Variants in ASAP1 observed in about 807,000 individuals in gnomAD.
ASAP1 encodes arf-GAP with SH3 domain, ANK repeat and PH domain-containing protein 1.
ASAP1 carries 43 observed loss-of-function variants against 145.2 expected under a neutral mutation model. The observed-to-expected ratio is 0.30, with a 90% CI of 0.23 to 0.38. The LOEUF (loss-of-function observed/expected upper bound fraction) is 0.38, where lower values mean the gene tolerates loss of function less well. ASAP1 is among the 10% of genes least tolerant of loss of function. The probability of loss-of-function intolerance (pLI) is 1.00; values close to 1 mark genes in which losing one functional copy is unlikely to be tolerated. For synonymous variants in ASAP1, 546 were observed against 515.5 expected (o/e 1.06, Z -0.80); for missense variants, 1,018 against 1,355.3 (o/e 0.75, Z 3.91).
chr8:130,131,603 G>GAT (rs2097583112), intron 15 of ASAP1, among the ~76,000 whole-genome samples: 1 of 63,108 alleles, frequency 1.6e-5, no homozygotes, highest in Non-Finnish European at 2.8e-5. Context: ...CATGGCTACT[G>GAT]AAAAAAAAAA....
At chr8:130,259,090 C>T (rs759290878) in intron 3 of ASAP1, among the ~76,000 whole-genome samples, 8 of 151,976 alleles carry the variant, frequency 5.3e-5, no homozygotes, top group Non-Finnish European at 8.8e-5. Flanking sequence ...CCACAGAGTA[C>T]GGTTCACAAA....
At chr8:130,112,363 C>G (rs764267951) in intron 23 of ASAP1, 41 bp from the exon 24 acceptor site, 1 of 1,579,982 alleles carries the variant, frequency 6.3e-7, no homozygotes, top group Non-Finnish European at 8.7e-7. Context: ...AATCAAGGAC[C>G]ACCCTTCATG....
chr8:130,081,163 G>A (rs922502527), intron 25 of ASAP1, among the ~76,000 whole-genome samples: 2 of 152,218 alleles, frequency 1.3e-5, no homozygotes, highest in Non-Finnish European at 2.9e-5. Context: ...AGAGGGAGTA[G>A]GGAATGCTGT....
At chr8:130,424,765 G>C (rs1235546405) in intron 1 of ASAP1, among the ~76,000 whole-genome samples, 1 of 152,082 alleles carries the variant, frequency 6.6e-6, no homozygotes, top group African/African-American at 2.4e-5. Flanking sequence ...AGGTCAAGGT[G>C]GGCGGATCAC....
At chr8:130,296,602 T>C (rs1822293359) in intron 3 of ASAP1, among the ~76,000 whole-genome samples, 1 of 151,798 alleles carries the variant, frequency 6.6e-6, no homozygotes, top group Non-Finnish European at 1.5e-5. Flanking sequence ...TACTTCCTTC[T>C]GGCCCTCACA....
chr8:130,336,882 A>G (rs917251412), intron 3 of ASAP1, among the ~76,000 whole-genome samples: 80 of 152,212 alleles, frequency 5.3e-4, no homozygotes, highest in African/African-American at 1.9e-3. Context: ...TACTTCTCCC[A>G]AACAGCTCCA....
At chr8:130,441,052 T>C (rs1166887323) in intron 1 of ASAP1, among the ~76,000 whole-genome samples, 1 of 152,200 alleles carries the variant, frequency 6.6e-6, no homozygotes, top group Non-Finnish European at 1.5e-5. Flanking sequence ...GGGCTTAGCA[T>C]GGCGCAGGTG....
chr8:130,271,940 G>C (rs1397678661), intron 3 of ASAP1, among the ~76,000 whole-genome samples: 6 of 152,004 alleles, frequency 3.9e-5, no homozygotes, highest in Non-Finnish European at 7.4e-5. Context: ...TAATGGAAGG[G>C]GAGGAAGCAA....
chr8:130,394,459 A>G (rs947043402), intron 2 of ASAP1, among the ~76,000 whole-genome samples: 6 of 152,200 alleles, frequency 3.9e-5, no homozygotes, highest in Non-Finnish European at 5.9e-5. Context: ...CATGTTATCA[A>G]TGACAATGGT....
intron 3 of ASAP1, among the ~76,000 whole-genome samples, chr8:130,285,604 A>G (rs760793778): frequency 6.6e-6 from 1 of 152,220 alleles, no homozygotes; most frequent in Non-Finnish European, 1.5e-5. Flanking sequence ...TAACTCTGAC[A>G]TCTTTGGAAA....
intron 3 of ASAP1, among the ~76,000 whole-genome samples, chr8:130,355,147 G>A (rs563052190): frequency 3.3e-5 from 5 of 152,140 alleles, no homozygotes; most frequent in South Asian, 2.1e-4. Context: ...CCAAAGTGCT[G>A]GGATTACAGG....
chr8:130,268,635 T>A (rs1205477466), intron 3 of ASAP1, among the ~76,000 whole-genome samples: 1 of 152,060 alleles, frequency 6.6e-6, no homozygotes, highest in Non-Finnish European at 1.5e-5. Context: ...AAACAATGTA[T>A]ACAAGCAACA....
chr8:130,118,850 T>C (rs2097560733), intron 18 of ASAP1, 175 bp from the exon 19 acceptor site: 1 of 404,458 alleles, frequency 2.5e-6, no homozygotes, highest in Admixed American at 4.1e-5. Flanking sequence ...ATAAAGAAAA[T>C]AATATATGTT....
intron 7 of ASAP1, among the ~76,000 whole-genome samples, chr8:130,184,760 A>C (rs752725204): frequency 4.6e-5 from 7 of 152,242 alleles, no homozygotes; most frequent in Admixed American, 2.6e-4. Context: ...ATGAAATTTG[A>C]TTCTTAAAGA....
intron 13 of ASAP1, among the ~76,000 whole-genome samples, chr8:130,144,649 A>G (rs1204132778): frequency 6.6e-6 from 1 of 152,110 alleles, no homozygotes; most frequent in Non-Finnish European, 1.5e-5. Flanking sequence ...CCAAATTCCA[A>G]ACTTATTACT....
At chr8:130,289,909 C>G (rs1192083480) in intron 3 of ASAP1, among the ~76,000 whole-genome samples, 1 of 152,170 alleles carries the variant, frequency 6.6e-6, no homozygotes, top group Admixed American at 6.5e-5. Context: ...AGTTTAGCTT[C>G]TAAAAGCCTC....
intron 3 of ASAP1, among the ~76,000 whole-genome samples, chr8:130,265,435 T>TG (rs1247583409): frequency 5.3e-5 from 8 of 151,542 alleles, no homozygotes; most frequent in Non-Finnish European, 7.4e-5. Flanking sequence ...TAACAGGGTG[T>TG]GGTGGTACAC....
At chr8:130,147,198 CAAAAAAAAAAAA>C (rs559149769) in intron 13 of ASAP1, among the ~76,000 whole-genome samples, 5 of 63,340 alleles carry the variant, frequency 7.9e-5, no homozygotes, top group African/African-American at 1.3e-4. Flanking sequence ...AATGCAGTCT[CAAAAAAAAAAAA>C]AAAAAAAAAA....
chr8:130,433,047 G>A (rs1407982417), intron 1 of ASAP1, among the ~76,000 whole-genome samples: 2 of 152,178 alleles, frequency 1.3e-5, no homozygotes, highest in African/African-American at 4.8e-5. Flanking sequence ...TCTCCACCCT[G>A]CTGCCATTCT....
Sources: gnomAD v4.1 joint callset for allele counts (sites outside exome capture counted in the v4.1 genomes callset) on GRCh38, gnomAD v4.1.1 for gene constraint, MANE v1.5 for transcripts, NCBI Gene and HGNC (gene_info 2026-07-23, HGNC 2026-07-21) for gene names.